Variants in NELL1 observed in about 807,000 individuals in gnomAD.
NELL1 encodes protein kinase C-binding protein NELL1.
In NELL1, 76 loss-of-function variants were observed where a neutral mutation model predicts 107.4. The ratio of observed to expected loss-of-function variants is 0.71; its 90% confidence interval spans 0.59 to 0.86. The LOEUF is 0.86. Ranked by LOEUF, NELL1 falls within the 40% of genes least tolerant of loss-of-function variation. The pLI is 0.00. For synonymous variants in NELL1, 353 were observed against 341.2 expected (o/e 1.03, Z -0.38); for missense variants, 1,024 against 1,005.5 (o/e 1.02, Z -0.25).
chr11:21,356,257 G>A lies in NELL1; in HGVS notation c.1550-14596G>A, dbSNP rs769317130. ...TTTATCTGTTCTGTTAACTACTTGA[G>A]CCCTGGTTCTGAGTAATCTCTGGTA... is the stretch of plus-strand genomic sequence containing the variant. On this transcript the variant is annotated intron_variant, in intron 14 of 19. Coordinates refer to ENST00000357134, the MANE Select transcript of NELL1 (RefSeq NM_006157.5). Among the ~76,000 whole-genome samples, 49 of 152,184 alleles carry A rather than the reference G, an allele frequency of 3.2e-4. No individual in the cohort carries two copies. In the Middle Eastern group the frequency reaches 0.01, roughly 32 times the overall value.
intron 2 of NELL1, among the ~76,000 whole-genome samples, chr11:20,688,304 G>C (rs939082623): frequency 5.9e-5 from 9 of 152,054 alleles, no homozygotes; most frequent in African/African-American, 2.2e-4. Flanking sequence ...GTGATGCTGA[G>C]GTTTGGTGTA....
At chr11:21,488,824 A>G (rs1395605114) in intron 15 of NELL1, among the ~76,000 whole-genome samples, 1 of 152,136 alleles carries the variant, frequency 6.6e-6, no homozygotes, top group East Asian at 1.9e-4. Flanking sequence ...AAATGCCTAC[A>G]TCAAAAAAAA....
chr11:21,147,102 G>A (rs1027918241), intron 13 of NELL1, among the ~76,000 whole-genome samples: 6 of 152,186 alleles, frequency 3.9e-5, no homozygotes, highest in Admixed American at 2.0e-4. Flanking sequence ...CGATGCATTA[G>A]GCTTCTAAAA....
intron 13 of NELL1, among the ~76,000 whole-genome samples, chr11:21,140,891 G>C (rs1191767283): frequency 6.6e-6 from 1 of 152,104 alleles, no homozygotes; most frequent in Non-Finnish European, 1.5e-5. Context: ...ATTAAACCCT[G>C]ATCATCAGAC....
chr11:20,846,269 A>C (rs4600205), intron 3 of NELL1, among the ~76,000 whole-genome samples: 51,098 of 152,074 alleles, frequency 0.34, 9,951 homozygotes, highest in African/African-American at 0.54. Context: ...AGATCTGTGA[A>C]AGATGAGCAA....
intron 3 of NELL1, among the ~76,000 whole-genome samples, chr11:20,805,678 A>T (rs575265289): frequency 6.6e-6 from 1 of 152,090 alleles, no homozygotes; most frequent in East Asian, 1.9e-4. Flanking sequence ...AATTTTTTGT[A>T]TTTTTAGTAG....
In NELL1 at chr11:21,185,794, T is replaced by G. The variant is rs574363343; in HGVS notation, c.1427-43538T>G. On this transcript the variant is annotated intron_variant, in intron 13 of 19. Coordinates refer to ENST00000357134, the MANE Select transcript of NELL1 (RefSeq NM_006157.5). ...AGCTTTTAACCTGCACCTTGCTTAC[T>G]AAGTTCTAGTAAAATGGATTGACTT... Among the ~76,000 whole-genome samples the G allele has an allele frequency of 7.7e-4, 117 of 152,006 alleles. 2 individuals carry two copies. Among genetic ancestry groups the G allele is most frequent in the African/African-American group, 2.8e-3 (115 of 41,264 alleles).
At chr11:21,416,111 C>T (rs147375207) in intron 15 of NELL1, among the ~76,000 whole-genome samples, 10 of 152,106 alleles carry the variant, frequency 6.6e-5, no homozygotes, top group Admixed American at 1.3e-4. Flanking sequence ...GAAAATAGAA[C>T]GCTACATAAG....
At chr11:20,865,529 T>C (rs759464791) in intron 4 of NELL1, among the ~76,000 whole-genome samples, 36 of 151,210 alleles carry the variant, frequency 2.4e-4, no homozygotes, top group Non-Finnish European at 4.9e-4. Flanking sequence ...CTGCATGGGC[T>C]GCATCTGTGG....
At chr11:20,776,682 G>C (rs570412088) in intron 2 of NELL1, among the ~76,000 whole-genome samples, 3 of 152,198 alleles carry the variant, frequency 2.0e-5, no homozygotes, top group East Asian at 3.9e-4. Flanking sequence ...GCAGATGGGA[G>C]TGTACCAAAA....
intron 16 of NELL1, among the ~76,000 whole-genome samples, chr11:21,547,044 C>A (rs1030584152): frequency 6.6e-6 from 1 of 151,794 alleles, no homozygotes; most frequent in Admixed American, 6.6e-5. Context: ...GGAGTGGGGA[C>A]AGTGGAAGTG....
intron 2 of NELL1, among the ~76,000 whole-genome samples, chr11:20,704,631 A>C (rs933428812): frequency 2.0e-5 from 3 of 152,160 alleles, no homozygotes; most frequent in Non-Finnish European, 4.4e-5. Flanking sequence ...ATGTTTTTGC[A>C]GTGGCTGGTA....
chr11:20,839,898 A>G (rs1377022051), intron 3 of NELL1, among the ~76,000 whole-genome samples: 1 of 152,232 alleles, frequency 6.6e-6, no homozygotes, highest in African/African-American at 2.4e-5. Flanking sequence ...TAAAGGGCAC[A>G]TGGACCTGGA....
intron 14 of NELL1, among the ~76,000 whole-genome samples, chr11:21,337,366 C>T (rs969369041): frequency 6.6e-6 from 1 of 152,134 alleles, no homozygotes; most frequent in African/African-American, 2.4e-5. Context: ...GGTAAATCAC[C>T]CAATCTCAGT....
chr11:20,698,983 G>A (rs968620420), intron 2 of NELL1, among the ~76,000 whole-genome samples: 6 of 152,094 alleles, frequency 3.9e-5, no homozygotes, highest in Admixed American at 6.6e-5. Context: ...TTGGGAGGCC[G>A]AGGTGGGCAG....
intron 14 of NELL1, among the ~76,000 whole-genome samples, chr11:21,253,680 A>C (rs959939338): frequency 2.6e-5 from 4 of 152,176 alleles, no homozygotes; most frequent in African/African-American, 9.6e-5. Context: ...CCAGTTCCAT[A>C]TTAGACAAAT....
At chr11:21,111,413 C>T (rs1193496104) in intron 12 of NELL1, among the ~76,000 whole-genome samples, 1 of 152,106 alleles carries the variant, frequency 6.6e-6, no homozygotes, top group Non-Finnish European at 1.5e-5. Flanking sequence ...TCTTGCTCAT[C>T]TTTCAAGATG....
intron 13 of NELL1, among the ~76,000 whole-genome samples, chr11:21,220,031 C>T (rs1857714282): frequency 6.6e-6 from 1 of 152,152 alleles, no homozygotes; most frequent in Admixed American, 6.5e-5. Context: ...GTCATGAGAA[C>T]TCACTATCAT....
At position 21,575,041 on chromosome 11, in the gene NELL1, A is replaced by G; in HGVS notation, c.*19A>G. On this transcript the variant is annotated 3_prime_UTR_variant, in exon 20 of 20. Coordinates refer to ENST00000357134, the MANE Select transcript of NELL1 (RefSeq NM_006157.5). ...TAATTGAAGTATTTACAGTGGACTC[A>G]ACGCAGAAGAATGGACGAAATGACC... 6.3e-7 allele frequency: 1 copy of G among 1,596,170 alleles called. No individual in the cohort carries two copies. Among genetic ancestry groups the G allele is most frequent in the Non-Finnish European group, 8.6e-7 (1 of 1,164,696 alleles).
Sources: gnomAD v4.1 joint callset for allele counts (sites outside exome capture counted in the v4.1 genomes callset) on GRCh38, gnomAD v4.1.1 for gene constraint, MANE v1.5 for transcripts, NCBI Gene and HGNC (gene_info 2026-07-23, HGNC 2026-07-21) for gene names.